Variants in CNTNAP2 observed in about 807,000 individuals in gnomAD.
The protein encoded by CNTNAP2 is contactin associated protein 2.
A neutral mutation model predicts 155.2 loss-of-function variants in CNTNAP2; 98 were observed. That is an observed-to-expected ratio of 0.63 (90% CI 0.54 to 0.75). The LOEUF (loss-of-function observed/expected upper bound fraction) is 0.75. Ranked by LOEUF, CNTNAP2 falls within the 30% of genes least tolerant of loss-of-function variation. CNTNAP2 has a pLI of 0.00. For synonymous variants in CNTNAP2, 651 were observed against 631.2 expected (o/e 1.03, Z -0.47); for missense variants, 1,727 against 1,688.1 (o/e 1.02, Z -0.40).
intron 11 of CNTNAP2, chr7:147,497,192 T>C (rs1021413068): frequency 1.1e-4 from 17 of 152,208 alleles, no homozygotes; most frequent in African/African-American, 3.9e-4. Flanking sequence ...ATAAAGAATA[T>C]GGTTTTATTT....
intron 18 of CNTNAP2, among the ~76,000 whole-genome samples, chr7:148,201,479 C>G (rs1795369706): frequency 6.6e-6 from 1 of 152,204 alleles, no homozygotes; most frequent in Non-Finnish European, 1.5e-5. Flanking sequence ...TATCCTATTT[C>G]TTCCCATTGC....
At chr7:146,570,347 T>C (rs893873816) in intron 1 of CNTNAP2, among the ~76,000 whole-genome samples, 3 of 152,180 alleles carry the variant, frequency 2.0e-5, no homozygotes, top group African/African-American at 7.2e-5. Flanking sequence ...TCTGTTTTGA[T>C]ATTTTGGTCC....
intron 13 of CNTNAP2, among the ~76,000 whole-genome samples, chr7:147,713,716 A>G (rs1251269372): frequency 6.6e-6 from 1 of 152,122 alleles, no homozygotes; most frequent in Non-Finnish European, 1.5e-5. Flanking sequence ...GAAACTGCTA[A>G]ACTGTTTTCT....
chr7:147,199,889 G>C (rs895131516), intron 8 of CNTNAP2, among the ~76,000 whole-genome samples: 3 of 152,002 alleles, frequency 2.0e-5, no homozygotes, highest in Non-Finnish European at 1.5e-5. Flanking sequence ...AGCTAGAGAG[G>C]GTTGTCTTAT....
chr7:147,143,591 C>G (rs1172311073), intron 8 of CNTNAP2, among the ~76,000 whole-genome samples: 3 of 151,798 alleles, frequency 2.0e-5, no homozygotes, highest in Non-Finnish European at 4.4e-5. Context: ...TGTACTGATA[C>G]CAAGATGTTA....
chr7:146,995,604 A>G (rs1798294244), intron 3 of CNTNAP2, among the ~76,000 whole-genome samples: 1 of 151,966 alleles, frequency 6.6e-6, no homozygotes, highest in Admixed American at 6.6e-5. Context: ...GAACATTTTT[A>G]TATGCCTGTT....
intron 9 of CNTNAP2, among the ~76,000 whole-genome samples, chr7:147,330,228 T>C (rs560627208): frequency 6.6e-6 from 1 of 152,260 alleles, no homozygotes; most frequent in East Asian, 1.9e-4. Context: ...GATAAGCTTC[T>C]GAGTTGATGA....
intron 20 of CNTNAP2, among the ~76,000 whole-genome samples, chr7:148,250,565 T>C (rs1342861530): frequency 1.1e-4 from 17 of 152,204 alleles, no homozygotes; most frequent in Admixed American, 1.0e-3. Flanking sequence ...ACCCAGCCAG[T>C]GCCAGGCATT....
intron 1 of CNTNAP2, among the ~76,000 whole-genome samples, chr7:146,120,938 C>T (rs1198291799): frequency 6.6e-6 from 1 of 151,972 alleles, no homozygotes; most frequent in Non-Finnish European, 1.5e-5. Context: ...CCTAAGGATA[C>T]ATTTCTCAAA....
intron 1 of CNTNAP2, among the ~76,000 whole-genome samples, chr7:146,422,877 G>C (rs1356677478): frequency 6.6e-6 from 1 of 152,066 alleles, no homozygotes; most frequent in African/African-American, 2.4e-5. Flanking sequence ...ATTAAAATAT[G>C]CCTTATTGGA....
At chr7:148,022,981 G>A (rs1802312844) in intron 15 of CNTNAP2, among the ~76,000 whole-genome samples, 1 of 152,114 alleles carries the variant, frequency 6.6e-6, no homozygotes, top group South Asian at 2.1e-4. Context: ...GGCAGTAATA[G>A]CTTAAGACTA....
intron 13 of CNTNAP2, among the ~76,000 whole-genome samples, chr7:147,726,896 C>A (rs28721947): frequency 0.081 from 12,247 of 151,822 alleles, 1,602 homozygotes; most frequent in African/African-American, 0.28. Flanking sequence ...TGGTGGTGAG[C>A]TGTAGTTTCT....
intron 1 of CNTNAP2, among the ~76,000 whole-genome samples, chr7:146,137,806 A>C (rs1797819136): frequency 6.6e-6 from 1 of 151,944 alleles, no homozygotes; most frequent in South Asian, 2.1e-4. Context: ...ACTTTAAGTA[A>C]AATCATAATT....
At chr7:147,104,873 C>CATAT (rs56674675) in intron 4 of CNTNAP2, among the ~76,000 whole-genome samples, 161 of 101,312 alleles carry the variant, frequency 1.6e-3, no homozygotes, top group East Asian at 3.1e-3. Flanking sequence ...CTTCCTCCCT[C>CATAT]ATATATATAT....
In CNTNAP2 at chr7:147,283,288, A is replaced by G. The variant is rs181793981; in HGVS notation, c.1349-16853A>G. On this transcript the variant is annotated intron_variant, in intron 8 of 23. Transcript: ENST00000361727. ...TTTGTTGACATATACATATGGAAAA[A>G]GTCCATATTATGATTGTATAGTTCA... Among the ~76,000 whole-genome samples the G allele has an allele frequency of 9.9e-5, 15 of 151,958 alleles. No individual in the cohort carries two copies. In the East Asian group the frequency reaches 2.7e-3, roughly 27 times the overall value.
intron 3 of CNTNAP2, among the ~76,000 whole-genome samples, chr7:146,874,550 G>C (rs1795381437): frequency 6.6e-6 from 1 of 152,038 alleles, no homozygotes; most frequent in Non-Finnish European, 1.5e-5. Flanking sequence ...TGTTGGTCAG[G>C]CTTTTCTTGA....
At chr7:147,648,848 G>A (rs894413345) in intron 13 of CNTNAP2, among the ~76,000 whole-genome samples, 3 of 152,108 alleles carry the variant, frequency 2.0e-5, no homozygotes, top group Admixed American at 6.6e-5. Context: ...AGTTTCAAAT[G>A]TATATCTATC....
At chr7:148,019,501 C>A (rs1355052623) in intron 15 of CNTNAP2, among the ~76,000 whole-genome samples, 1 of 152,052 alleles carries the variant, frequency 6.6e-6, no homozygotes, top group African/African-American at 2.4e-5. Context: ...GCTCTGTCAC[C>A]CAGGCTGTAG....
chr7:146,992,085 T>C (rs187203119), intron 3 of CNTNAP2, among the ~76,000 whole-genome samples: 15 of 152,320 alleles, frequency 9.8e-5, no homozygotes, highest in African/African-American at 3.4e-4. Context: ...GGGTTTCTGC[T>C]ATGAATCAAT....
Sources: allele counts gnomAD v4.1 joint callset (sites outside exome capture counted in the v4.1 genomes callset), GRCh38; gene constraint gnomAD v4.1.1; transcripts MANE v1.5; gene names NCBI Gene and HGNC (gene_info 2026-07-23, HGNC 2026-07-21).